Variants in PDZD2 observed in about 807,000 individuals in gnomAD.
PDZD2 encodes the protein PDZ domain containing 2, also known as PDZ domain-containing protein 2.
Under a neutral mutation model 220.7 loss-of-function variants are expected in PDZD2, and 90 were observed. That is an observed-to-expected ratio of 0.41 (90% confidence interval 0.34 to 0.49). The LOEUF is 0.49. Among genes scored for constraint, PDZD2 ranks in the 20% least tolerant of loss-of-function variants. The pLI is 0.28. For missense variants in PDZD2, 3,174 were observed against 3,608.5 expected (o/e 0.88, Z 3.08); for synonymous variants, 1,375 against 1,450.5 (o/e 0.95, Z 1.18).
rs569081088 is a variant in PDZD2, at chr5:31,651,767, G to A, written c.-361+12330G>A. 1.1e-3 allele frequency among the ~76,000 whole-genome samples: 174 copies of A among 152,100 alleles called. 1 individual carries two copies. In the Middle Eastern group the frequency reaches 0.014, roughly 12 times the overall value. On this transcript the variant is annotated intron_variant, in intron 1 of 24. Transcript: ENST00000438447. The stretch of plus-strand genomic sequence containing the variant: ...CCACCTCAGCCTCCTGAGTAGCTGG[G>A]ACTATAGTATGCACCACCATGCCTG...
At chr5:31,835,721 T>G (rs192148597) in intron 2 of PDZD2, among the ~76,000 whole-genome samples, 1 of 152,210 alleles carries the variant, frequency 6.6e-6, no homozygotes, top group South Asian at 2.1e-4. Flanking sequence ...CTTCTCAGTC[T>G]TGATTTCTAG....
chr5:31,980,366 A>G (rs1261341876), intron 2 of PDZD2, among the ~76,000 whole-genome samples: 1 of 152,184 alleles, frequency 6.6e-6, no homozygotes, highest in African/African-American at 2.4e-5. Context: ...CATATAATTT[A>G]TTCCTTTTTT....
rs188324714 is a variant in PDZD2, at chr5:31,864,998, G to A, written c.476+65274G>A. Among the ~76,000 whole-genome samples the A allele has an allele frequency of 8.3e-3, 1,247 of 150,030 alleles. 14 individuals carry two copies. Among genetic ancestry groups the A allele is most frequent in the African/African-American group, 0.028 (1,127 of 40,716 alleles). ...CGAGTAGCTGGGACTACAGGCGCCC[G>A]CCACCACGCCTGGCTAATTTTTGTA... On this transcript the variant is annotated intron_variant, in intron 2 of 24. Transcript: ENST00000438447.
At chr5:31,641,476 A>G (rs1407588564) in intron 1 of PDZD2, among the ~76,000 whole-genome samples, 1 of 151,268 alleles carries the variant, frequency 6.6e-6, no homozygotes, top group Non-Finnish European at 1.5e-5. Flanking sequence ...GACTCAGAGG[A>G]ACTAAGGACT....
chr5:31,789,517 G>C (rs1753576418), intron 1 of PDZD2, among the ~76,000 whole-genome samples: 1 of 152,234 alleles, frequency 6.6e-6, no homozygotes, highest in South Asian at 2.1e-4. Flanking sequence ...TTCCAGACTA[G>C]AGCCCCAGAC....
intron 2 of PDZD2, 66 bp from the exon 3 acceptor site, chr5:31,983,089 T>G: frequency 2.6e-6 from 4 of 1,523,922 alleles, no homozygotes; most frequent in Non-Finnish European, 3.5e-6. Flanking sequence ...CTTGAACGCG[T>G]CTGTCTGCTG....
chr5:31,912,113 CTACTATAACAAA>C (rs947388486), intron 2 of PDZD2, among the ~76,000 whole-genome samples: 31 of 152,272 alleles, frequency 2.0e-4, no homozygotes, highest in African/African-American at 7.5e-4. Context: ...TCCATTTGGT[CTACTATAACAAA>C]TACCATAAAT....
chr5:31,750,560 G>A (rs973754831), intron 1 of PDZD2, among the ~76,000 whole-genome samples: 15 of 152,272 alleles, frequency 9.9e-5, no homozygotes, highest in East Asian at 3.9e-4. Context: ...GATGGGTGCC[G>A]CGAGGGTGAG....
At chr5:31,775,231 G>A (rs1188034294) in intron 1 of PDZD2, among the ~76,000 whole-genome samples, 1 of 151,820 alleles carries the variant, frequency 6.6e-6, no homozygotes, top group Non-Finnish European at 1.5e-5. Flanking sequence ...TGTAAATACT[G>A]TCCTCTAGTT....
chr5:31,752,068 GGTTTGTTT>G (rs1362313973), intron 1 of PDZD2, among the ~76,000 whole-genome samples: 2 of 95,918 alleles, frequency 2.1e-5, no homozygotes, highest in Non-Finnish European at 3.9e-5. Context: ...TATTGTTTTG[GGTTTGTTT>G]TTTTTTTTTT....
At chr5:31,673,291 T>C (rs1746284642) in intron 1 of PDZD2, among the ~76,000 whole-genome samples, 1 of 152,168 alleles carries the variant, frequency 6.6e-6, no homozygotes, top group African/African-American at 2.4e-5. Flanking sequence ...AGTGAGTATG[T>C]ATGTGTTGAT....
intron 2 of PDZD2, among the ~76,000 whole-genome samples, chr5:31,907,002 C>T (rs1191736871): frequency 6.6e-6 from 1 of 152,142 alleles, no homozygotes; most frequent in Non-Finnish European, 1.5e-5. Flanking sequence ...GGGTAGAATG[C>T]TTGGTTAGCC....
chr5:31,922,347 C>A (rs1258534275), intron 2 of PDZD2, among the ~76,000 whole-genome samples: 1 of 152,148 alleles, frequency 6.6e-6, no homozygotes, highest in Non-Finnish European at 1.5e-5. Flanking sequence ...AGATTTCTTC[C>A]CTCCACAGGC....
At chr5:31,859,951 G>A (rs16901622) in intron 2 of PDZD2, among the ~76,000 whole-genome samples, 6,380 of 152,112 alleles carry the variant, frequency 0.042, 158 homozygotes, top group Non-Finnish European at 0.054. Context: ...TGAAATCTGC[G>A]GCTAGCACAG....
chr5:31,709,922 C>T (rs145535828), intron 1 of PDZD2, among the ~76,000 whole-genome samples: 2 of 152,332 alleles, frequency 1.3e-5, no homozygotes, highest in African/African-American at 4.8e-5. Flanking sequence ...CGCCACTGCA[C>T]TTCAGCCTGG....
rs1742771454 is a variant in PDZD2 at position 32,088,680 on chromosome 5, G to A, written c.5232G>A (p.Leu1744=). The A allele has an allele frequency of 6.2e-7, 1 of 1,613,866 alleles. No individual in the cohort carries two copies. The highest frequency in any genetic ancestry group is 1.3e-5 in the African/African-American group (1 of 74,886). ...LEHDLLDDET[L]NQYETSINAA... The stretch of plus-strand genomic sequence containing the variant: ...ATGACCTGCTAGATGACGAAACCCT[G>A]AATCAATACGAAACAAGCATTAATG... The change falls in exon 20 of 25, where the codon CTG becomes CTA. Residue 1744 remains leucine (L), a synonymous_variant. Coordinates refer to ENST00000438447, the MANE Select transcript of PDZD2 (RefSeq NM_178140.4). This position sits in a 1 kb window ranked among gnomAD's most constrained non-coding sequence, Gnocchi z 4.6.
chr5:31,910,236 T>TTTG (rs1743050837), intron 2 of PDZD2, among the ~76,000 whole-genome samples: 1 of 147,120 alleles, frequency 6.8e-6, no homozygotes, highest in Admixed American at 6.8e-5. Context: ...TTTTTTTTTT[T>TTTG]GGAGACTTAG....
Position 32,087,680 on chromosome 5 carries a change from C to T in PDZD2, c.4232C>T (p.Ser1411Leu), listed in dbSNP as rs1742629255. Residue 1411 changes from serine to leucine, a missense_variant, in exon 20 of 25, where the codon TCG becomes TTG. Physicochemically the swap from Ser to Leu is moderately radical, Grantham distance 145. Around this residue, in one of 4 missense-constraint regions of PDZD2, gnomAD observed 1,861 missense variants for 2,001.0 expected, o/e 0.93. Coordinates refer to ENST00000438447, the MANE Select transcript of PDZD2 (RefSeq NM_178140.4). The surrounding 1 kb of genome is among the most constrained non-coding windows in gnomAD (Gnocchi z 4.0). Reference sequence around the variant, plus strand: ...ACCAAAGAAGCATGTGGCCATGTCTCGGGGCACTGCTGCCCAGGGGGGAGT... The same window carrying T: ...ACCAAAGAAGCATGTGGCCATGTCTTGGGGCACTGCTGCCCAGGGGGGAGT... The part of the protein sequence containing the change: ...DNTKEACGHV[S>L]GHCCPGGSRE... The T allele has an allele frequency of 1.9e-6, 3 of 1,614,050 alleles. No homozygotes were observed. Among genetic ancestry groups the T allele is most frequent in the Non-Finnish European group, 2.5e-6 (3 of 1,180,022 alleles).
intron 15 of PDZD2, 118 bp from the exon 16 acceptor site, chr5:32,071,266 C>A: frequency 1.3e-6 from 1 of 782,604 alleles, no homozygotes; most frequent in Non-Finnish European, 2.3e-6. Context: ...AGCCCGTCAT[C>A]AAGCAAAGGG....
Sources: allele counts gnomAD v4.1 joint callset (sites outside exome capture counted in the v4.1 genomes callset), GRCh38; gene constraint gnomAD v4.1.1; regional missense constraint gnomAD v4.1.1; non-coding constraint Gnocchi (gnomAD v3.1); transcripts MANE v1.5; gene names NCBI Gene and HGNC (gene_info 2026-07-23, HGNC 2026-07-21).